Variants in ADGRL2 observed in about 807,000 individuals in gnomAD.
The protein encoded by ADGRL2 is adhesion G protein-coupled receptor L2.
Under a neutral mutation model 157.4 loss-of-function variants are expected in ADGRL2, and 44 were observed. The observed-to-expected ratio is 0.28, with a 90% CI of 0.22 to 0.36. The LOEUF (loss-of-function observed/expected upper bound fraction) is 0.36, where lower values mean the gene tolerates loss of function less well. Ranked by LOEUF, ADGRL2 falls within the 10% of genes least tolerant of loss-of-function variation. The pLI is 1.00. For synonymous variants in ADGRL2, 585 were observed against 624.7 expected (o/e 0.94, Z 0.95); for missense variants, 1,510 against 1,768.9 (o/e 0.85, Z 2.63).
At chr1:81,794,745 A>T (rs1322241940) in intron 2 of ADGRL2, among the ~76,000 whole-genome samples, 1 of 152,174 alleles carries the variant, frequency 6.6e-6, no homozygotes, top group Non-Finnish European at 1.5e-5. Flanking sequence ...TTTCATACTG[A>T]CCTTAAGAAT....
At chr1:81,371,603 T>C (rs1570753351) in intron 1 of ADGRL2, among the ~76,000 whole-genome samples, 1 of 152,216 alleles carries the variant, frequency 6.6e-6, no homozygotes, top group Non-Finnish European at 1.5e-5. Flanking sequence ...AATGAAACTT[T>C]GCATTACATA....
At chr1:81,960,498 A>G (rs1467528319) in intron 11 of ADGRL2, among the ~76,000 whole-genome samples, 1 of 150,816 alleles carries the variant, frequency 6.6e-6, no homozygotes, top group African/African-American at 2.4e-5. Flanking sequence ...TTTTTGAGCC[A>G]GAATCTTCCT....
intron 1 of ADGRL2, among the ~76,000 whole-genome samples, chr1:81,342,942 T>C (rs945115188): frequency 9.9e-5 from 15 of 152,236 alleles, no homozygotes; most frequent in African/African-American, 3.4e-4. Flanking sequence ...TGTCTGTCAA[T>C]AGATACTCTG....
chr1:81,756,868 A>C (rs2085709593), intron 1 of ADGRL2, among the ~76,000 whole-genome samples: 1 of 152,180 alleles, frequency 6.6e-6, no homozygotes, highest in African/African-American at 2.4e-5. Flanking sequence ...TCTTTGATCT[A>C]AAGTTGGGGA....
intron 3 of ADGRL2, among the ~76,000 whole-genome samples, chr1:81,655,417 A>G (rs1225296993): frequency 2.0e-5 from 3 of 152,176 alleles, no homozygotes; most frequent in African/African-American, 7.2e-5. Context: ...TGGGAATGGG[A>G]ATTCAAACCC....
chr1:81,935,465 CT>C (rs2095296724), intron 3 of ADGRL2, among the ~76,000 whole-genome samples: 1 of 151,856 alleles, frequency 6.6e-6, no homozygotes. Flanking sequence ...AAGAGAAAGT[CT>C]AGTTTTGAGT....
In ADGRL2 at chr1:81,788,345, G is replaced by A. The variant is rs192255653; in HGVS notation, c.-101+26493G>A. On this transcript the variant is annotated intron_variant, in intron 2 of 20. Coordinates refer to the ADGRL2 transcript ENST00000359929. ...ATGGCTTGGGGTCCTCCCCACAGTAGTGTGTTCATGCAAGATCTGGTTGTT... is the reference window on the plus strand; with the variant it reads ...ATGGCTTGGGGTCCTCCCCACAGTAATGTGTTCATGCAAGATCTGGTTGTT... Among the ~76,000 whole-genome samples the A allele has an allele frequency of 3.2e-4, 49 of 152,282 alleles. No individual in the cohort carries two copies. In the East Asian group the frequency reaches 8.3e-3, roughly 26 times the overall value.
At chr1:81,916,663 ATG>A (rs1189465534) in intron 3 of ADGRL2, among the ~76,000 whole-genome samples, 1 of 152,076 alleles carries the variant, frequency 6.6e-6, no homozygotes, top group Admixed American at 6.6e-5. Flanking sequence ...AAAATAATAC[ATG>A]TGTTTATTAA....
chr1:81,391,225 T>C (rs2076547675), intron 1 of ADGRL2, among the ~76,000 whole-genome samples: 1 of 152,308 alleles, frequency 6.6e-6, no homozygotes, highest in Non-Finnish European at 1.5e-5. Flanking sequence ...CTCCGGACTG[T>C]TGATATAGGA....
At chr1:81,720,334 TA>T (rs2084264814) in intron 1 of ADGRL2, among the ~76,000 whole-genome samples, 1 of 152,014 alleles carries the variant, frequency 6.6e-6, no homozygotes, top group Non-Finnish European at 1.5e-5. Flanking sequence ...TACGCCTGGC[TA>T]ATTTTTGTAT....
chr1:81,899,034 C>G (rs1331161882), intron 2 of ADGRL2, among the ~76,000 whole-genome samples: 1 of 152,146 alleles, frequency 6.6e-6, no homozygotes, highest in Non-Finnish European at 1.5e-5. Flanking sequence ...GACCCTCAAA[C>G]AGCATGAGCA....
Position 81,943,619 on chromosome 1 carries a change from C to A in ADGRL2, c.1060C>A (p.Arg354=). 1.9e-6 allele frequency: 3 copies of A among 1,613,532 alleles called. No individual in the cohort carries two copies. The South Asian group carries it at 3.3e-5, about 18-fold the overall frequency. ...IDYIYNTRLN[R]GEYVDVPFPN... is the part of the protein sequence containing the mutation. Reference sequence around the variant, plus strand: ...TTACATTTATAATACCCGATTAAACCGAGGAGAATATGTAGATGTTCCCTT... The same window carrying A: ...TTACATTTATAATACCCGATTAAACAGAGGAGAATATGTAGATGTTCCCTT... Residue 354 remains arginine (R), a synonymous_variant, in exon 6 of 24, where the codon CGA becomes AGA. Transcript: ENST00000686636. The surrounding 1 kb of genome is among the most constrained non-coding windows in gnomAD (Gnocchi z 5.6).
chr1:81,869,674 T>A (rs989760960), intron 2 of ADGRL2, among the ~76,000 whole-genome samples: 1 of 151,988 alleles, frequency 6.6e-6, no homozygotes, highest in Non-Finnish European at 1.5e-5. Flanking sequence ...GTCAGTCACA[T>A]TGATCATCAA....
intron 1 of ADGRL2, among the ~76,000 whole-genome samples, chr1:81,745,161 C>T (rs1426010544): frequency 6.6e-6 from 1 of 152,012 alleles, no homozygotes; most frequent in Non-Finnish European, 1.5e-5. Flanking sequence ...GGCTGTTGGG[C>T]AATAAAAGAC....
intron 1 of ADGRL2, among the ~76,000 whole-genome samples, chr1:81,358,395 G>A (rs1006887733): frequency 2.6e-5 from 4 of 152,258 alleles, no homozygotes; most frequent in Middle Eastern, 3.4e-3. Context: ...TGTACTCAGG[G>A]TAAAGTACAA....
In ADGRL2 at chr1:81,903,803, C is replaced by T. The variant is rs183811125; in HGVS notation, c.74-3214C>T. Among the ~76,000 whole-genome samples the T allele has an allele frequency of 6.8e-3, 841 of 122,878 alleles. 7 individuals carry two copies. Among genetic ancestry groups the T allele is most frequent in the African/African-American group, 0.026 (796 of 31,134 alleles). The allele number at this position is 122,878 out of a possible 152,430, so 80.6% of individuals were successfully genotyped here. A position where few individuals can be genotyped will look rare whatever the true frequency, so the allele number is the denominator to read the frequency against. ...TATATACACATTATATATATATACA[C>T]ATTTTATATACACACACACACACAC... On this transcript the variant is annotated intron_variant, in intron 2 of 23. Transcript: ENST00000686636.
chr1:81,383,187 C>CT (rs1163033551), intron 1 of ADGRL2, among the ~76,000 whole-genome samples: 1 of 152,182 alleles, frequency 6.6e-6, no homozygotes, highest in Non-Finnish European at 1.5e-5. Flanking sequence ...ACTTTTTCCT[C>CT]TAACGTTATT....
At chr1:81,909,733 T>TC (rs1056727191) in intron 3 of ADGRL2, among the ~76,000 whole-genome samples, 4 of 152,110 alleles carry the variant, frequency 2.6e-5, no homozygotes, top group African/African-American at 9.7e-5. Flanking sequence ...TTTTTTTTTT[T>TC]ACCTTATATG....
intron 1 of ADGRL2, among the ~76,000 whole-genome samples, chr1:81,436,532 G>A (rs1238845990): frequency 1.3e-5 from 2 of 152,094 alleles, no homozygotes; most frequent in Non-Finnish European, 2.9e-5. Context: ...TCACTTTATG[G>A]CTCTTTGTTC....
Sources: allele counts gnomAD v4.1 joint callset (sites outside exome capture counted in the v4.1 genomes callset), GRCh38; gene constraint gnomAD v4.1.1; non-coding constraint Gnocchi (gnomAD v3.1); transcripts MANE v1.5; gene names NCBI Gene and HGNC (gene_info 2026-07-23, HGNC 2026-07-21).